Variants in LOC400499 observed in about 807,000 individuals in gnomAD.
the LOC400499 span, among the ~76,000 whole-genome samples, chr16:11,408,219 G>C: frequency 1.3e-5 from 2 of 152,072 alleles, no homozygotes; most frequent in African/African-American, 2.4e-5. Flanking sequence ...CTGACCTCAG[G>C]TGACCTGCCC....
chr16:11,468,970 T>C, the LOC400499 span, among the ~76,000 whole-genome samples: 1 of 152,262 alleles, frequency 6.6e-6, no homozygotes, highest in Admixed American at 6.5e-5. Context: ...TATCCATTTT[T>C]AACATCAATG....
At chr16:11,429,265 T>TC in the LOC400499 span, among the ~76,000 whole-genome samples, 3 of 151,910 alleles carry the variant, frequency 2.0e-5, no homozygotes, top group Non-Finnish European at 4.4e-5. Flanking sequence ...GTGTAGCAGC[T>TC]CCCCCCTCTT....
At chr16:11,490,508 G>A in the LOC400499 span, among the ~76,000 whole-genome samples, 2,818 of 151,994 alleles carry the variant, frequency 0.019, 83 homozygotes, top group African/African-American at 0.064. Flanking sequence ...GACAATCCTG[G>A]CTAATGTGGT....
the LOC400499 span, among the ~76,000 whole-genome samples, chr16:11,436,257 A>T: frequency 6.6e-6 from 1 of 152,150 alleles, no homozygotes; most frequent in Non-Finnish European, 1.5e-5. Flanking sequence ...ACATCTTTGC[A>T]ACTCCTCCAC....
At chr16:11,460,929 C>T in the LOC400499 span, 3 of 1,499,240 alleles carry the variant, frequency 2.0e-6, no homozygotes, top group African/African-American at 2.8e-5. Context: ...CCTGCCACCT[C>T]CACCTGCCCC....
At chr16:11,385,307 G>T in the LOC400499 span, 7 of 1,232,192 alleles carry the variant, frequency 5.7e-6, no homozygotes, top group Non-Finnish European at 1.0e-6. Flanking sequence ...GCGAGAATGT[G>T]TTGTGAGCAA....
At chr16:11,408,396 T>G in the LOC400499 span, among the ~76,000 whole-genome samples, 1 of 151,686 alleles carries the variant, frequency 6.6e-6, no homozygotes, top group African/African-American at 2.4e-5. Flanking sequence ...AAATCCACAT[T>G]AGGAGGATGT....
chr16:11,404,166 C>T, the LOC400499 span, among the ~76,000 whole-genome samples: 1 of 152,214 alleles, frequency 6.6e-6, no homozygotes, highest in Non-Finnish European at 1.5e-5. Flanking sequence ...AGGAGGCCCA[C>T]ACCCCACAAA....
the LOC400499 span, among the ~76,000 whole-genome samples, chr16:11,405,198 A>C: frequency 1.6e-3 from 240 of 152,318 alleles, 2 homozygotes; most frequent in African/African-American, 5.6e-3. Context: ...AGAAAGTGTC[A>C]ACCTTTGCAA....
chr16:11,409,319 G>C, the LOC400499 span, among the ~76,000 whole-genome samples: 1 of 152,058 alleles, frequency 6.6e-6, no homozygotes, highest in Non-Finnish European at 1.5e-5. Context: ...AGGAAGGGTA[G>C]GGTGTAGAAG....
chr16:11,527,280 C>T, the LOC400499 span, among the ~76,000 whole-genome samples: 1 of 152,132 alleles, frequency 6.6e-6, no homozygotes, highest in Non-Finnish European at 1.5e-5. Context: ...AGCTTTAACC[C>T]ACTCTCCCAG....
the LOC400499 span, chr16:11,448,779 A>C: frequency 2.0e-6 from 1 of 511,250 alleles, no homozygotes; most frequent in Non-Finnish European, 3.3e-6. Context: ...AGAAAGAGAA[A>C]TAGAGGCTCC....
the LOC400499 span, among the ~76,000 whole-genome samples, chr16:11,484,391 G>C: frequency 6.6e-6 from 1 of 152,174 alleles, no homozygotes; most frequent in African/African-American, 2.4e-5. Context: ...ATGATCTCAT[G>C]AGTGTGTACA....
chr16:11,513,967 C>T, the LOC400499 span, among the ~76,000 whole-genome samples: 1 of 152,052 alleles, frequency 6.6e-6, no homozygotes, highest in Non-Finnish European at 1.5e-5. Context: ...TCTTTCTGTG[C>T]AGAATTGTAG....
chr16:11,517,624 A>G, the LOC400499 span, among the ~76,000 whole-genome samples: 10 of 152,258 alleles, frequency 6.6e-5, no homozygotes, highest in African/African-American at 2.2e-4. Context: ...CATTGTTGAG[A>G]CAAGGAAATG....
At chr16:11,482,654 G>A in the LOC400499 span, among the ~76,000 whole-genome samples, 2 of 152,162 alleles carry the variant, frequency 1.3e-5, no homozygotes, top group Non-Finnish European at 2.9e-5. Context: ...ACTTTGGGAG[G>A]CTGAGGCAGG....
chr16:11,445,630 A>G, the LOC400499 span, among the ~76,000 whole-genome samples: 1 of 152,142 alleles, frequency 6.6e-6, no homozygotes, highest in Non-Finnish European at 1.5e-5. Flanking sequence ...AGGCGAGGAA[A>G]TGCGAAGAGG....
At chr16:11,450,240 C>A in the LOC400499 span, among the ~76,000 whole-genome samples, 26 of 152,368 alleles carry the variant, frequency 1.7e-4, no homozygotes, top group African/African-American at 6.3e-4. Context: ...AGAGAAGCAA[C>A]ATCATGACAG....
At chr16:11,477,980 C>T in the LOC400499 span, 1 of 398,866 alleles carries the variant, frequency 2.5e-6, no homozygotes, top group Non-Finnish European at 4.4e-6. Flanking sequence ...CAGGCTCAGC[C>T]TCCGGTTCAT....
Sources: allele counts gnomAD v4.1 joint callset (sites outside exome capture counted in the v4.1 genomes callset), GRCh38; gene constraint gnomAD v4.1.1; transcripts MANE v1.5.